Variants in SLC27A1 observed in about 807,000 individuals in gnomAD.
SLC27A1 encodes the protein solute carrier family 27 member 1.
Under a neutral mutation model 62.2 loss-of-function variants are expected in SLC27A1, and 61 were observed. That is an observed-to-expected ratio of 0.98 (90% CI 0.80 to 1.21). The LOEUF (loss-of-function observed/expected upper bound fraction) is 1.21, where lower values mean the gene tolerates loss of function less well. SLC27A1 is among the 50% of genes most tolerant of loss of function. SLC27A1 has a pLI of 0.00. For missense variants in SLC27A1, 903 were observed against 932.1 expected (o/e 0.97, Z 0.41); for synonymous variants, 435 against 408.6 (o/e 1.06, Z -0.78).
rs2075229834 is a variant in SLC27A1 at position 17,486,434 on chromosome 19, A to C, written c.168-129A>C. On this transcript the variant is annotated intron_variant, in intron 1 of 11. Coordinates refer to ENST00000252595, the MANE Select transcript of SLC27A1 (RefSeq NM_198580.3). This position sits in a 1 kb window ranked among gnomAD's most constrained non-coding sequence, Gnocchi z 6.6. The stretch of plus-strand genomic sequence containing the variant: ...TGGTCCACTGAGAGATCCAGCCACC[A>C]AAAGTTTCACCATAGACCTCATCAA... The C allele has an allele frequency of 8.7e-7, 1 of 1,154,368 alleles. No homozygotes were observed. Among genetic ancestry groups the C allele is most frequent in the Non-Finnish European group, 1.2e-6 (1 of 845,660 alleles). 71.5% of individuals were successfully genotyped at this position (1,154,368 alleles called of 1,614,324 possible).
rs773093919 is a variant in SLC27A1 at position 17,504,477 on chromosome 19, G to A, written c.1806G>A (p.Thr602=). ...DTTGTFKIQK[T]RLQREGFDPR... ...TAGGCACCTTCAAGATCCAGAAGAC[G>A]AGGCTGCAGCGAGAGGGCTTTGACC... Residue 602 remains threonine (T), a synonymous_variant, in exon 12 of 12, where the codon ACG becomes ACA. Coordinates refer to ENST00000252595, the MANE Select transcript of SLC27A1 (RefSeq NM_198580.3). The A allele has an allele frequency of 2.0e-5, 33 of 1,614,010 alleles. No homozygotes were observed. Among genetic ancestry groups the A allele is most frequent in the Non-Finnish European group, 2.5e-5 (29 of 1,180,032 alleles).
chr19:17,492,631 AAAAAG>A (rs2075305337), intron 6 of SLC27A1, among the ~76,000 whole-genome samples: 2 of 149,948 alleles, frequency 1.3e-5, no homozygotes, highest in African/African-American at 4.9e-5. Flanking sequence ...AAAAAAAAAA[AAAAAG>A]AAAAAGAAAT....
chr19:17,497,156 A>C, intron 6 of SLC27A1, 99 bp from the exon 7 acceptor site: 1 of 899,826 alleles, frequency 1.1e-6, no homozygotes, highest in Non-Finnish European at 1.7e-6. Flanking sequence ...CGCTCATAGG[A>C]TTAGCTCCCT....
Position 17,501,436 on chromosome 19 carries a change from C to T in SLC27A1, c.1783+17C>T, listed in dbSNP as rs1289722312. 2.5e-6 allele frequency: 4 copies of T among 1,607,586 alleles called. No homozygotes were observed. Among genetic ancestry groups the T allele is most frequent in the Non-Finnish European group, 3.4e-6 (4 of 1,176,928 alleles). ...ACACCACAGGTGCGAGTCTCCCCCA[C>T]TCCAATCTCTCTCTTCATCCATCAG... On this transcript the variant is annotated intron_variant, in intron 11 of 11. Transcript: ENST00000252595.
rs1221324202 is a variant in SLC27A1 at position 17,477,240 on chromosome 19, C to CTTTTTTTTTTTTTTTTTTT, written c.167+6539_167+6557dup. 1.1e-3 allele frequency among the ~76,000 whole-genome samples: 49 copies of CTTTTTTTTTTTTTTTTTTT among 43,808 alleles called. 12 individuals are homozygous for CTTTTTTTTTTTTTTTTTTT. The highest frequency in any genetic ancestry group is 1.4e-3 in the Non-Finnish European group (36 of 24,866). The allele number at this position is 43,808 out of a possible 152,430, so 28.7% of individuals were successfully genotyped here. A position where few individuals can be genotyped will look rare whatever the true frequency, so the allele number is the denominator to read the frequency against. ...TTATTGGTTGAATGGATGAGCAGCG[C>CTTTTTTTTTTTTTTTTTTT]TTTTTTTTTTTTTTTTTTTTTTTTG... On this transcript the variant is annotated intron_variant, in intron 1 of 11. Coordinates refer to ENST00000252595, the MANE Select transcript of SLC27A1 (RefSeq NM_198580.3).
At chr19:17,474,699 C>T (rs1301335629) in intron 1 of SLC27A1, among the ~76,000 whole-genome samples, 5 of 149,624 alleles carry the variant, frequency 3.3e-5, no homozygotes, top group Admixed American at 1.4e-4. Context: ...GGCGCGATCT[C>T]GGCTCACCGC....
chr19:17,500,298 C>T lies in SLC27A1; in HGVS notation c.1227C>T (p.Asn409=). Residue 409 remains asparagine, a synonymous_variant, in exon 8 of 12, where the codon AAC becomes AAT. Coordinates refer to ENST00000252595, the MANE Select transcript of SLC27A1 (RefSeq NM_198580.3). The part of the protein sequence containing the change: ...MDGKVGSCGF[N]SRILPHVYPI... Reference sequence around the variant, plus strand: ...TCCAGGTCGGCTCCTGTGGTTTCAACAGCCGCATCCTGCCCCACGTGTACC... The same window carrying T: ...TCCAGGTCGGCTCCTGTGGTTTCAATAGCCGCATCCTGCCCCACGTGTACC... 1 of 1,614,158 alleles carries T rather than the reference C, an allele frequency of 6.2e-7. No individual in the cohort carries two copies. Among genetic ancestry groups the T allele is most frequent in the Non-Finnish European group, 8.5e-7 (1 of 1,179,994 alleles).
At chr19:17,492,565 G>A (rs1267193509) in intron 6 of SLC27A1, among the ~76,000 whole-genome samples, 4 of 139,104 alleles carry the variant, frequency 2.9e-5, no homozygotes, top group Non-Finnish European at 6.1e-5. Context: ...GCAGTGAGCC[G>A]AGATCGCACC....
chr19:17,481,404 C>T (rs1027726553), intron 1 of SLC27A1, among the ~76,000 whole-genome samples: 1 of 150,826 alleles, frequency 6.6e-6, no homozygotes, highest in Admixed American at 6.6e-5. Context: ...GCAACCTCTG[C>T]CTCCTGGGTC....
chr19:17,488,718 T>A (rs2075262927), intron 4 of SLC27A1, 130 bp from the exon 5 acceptor site: 1 of 733,596 alleles, frequency 1.4e-6, no homozygotes, highest in African/African-American at 1.7e-5. Context: ...GTTTCCTTCC[T>A]GCCAGCCTGT....
At chr19:17,469,619 G>C (rs1472125930), upstream of SLC27A1, among the ~76,000 whole-genome samples, 1 of 152,132 alleles carries the variant, frequency 6.6e-6, no homozygotes, top group African/African-American at 2.4e-5. Context: ...CGCCTCTCCG[G>C]TCCGGTTGCC....
chr19:17,486,860 C>A lies in SLC27A1; in HGVS notation c.465C>A (p.Ala155=), dbSNP rs1196438636. 1 of 1,585,620 alleles carries A rather than the reference C, an allele frequency of 6.3e-7. No individual in the cohort carries two copies. The highest frequency in any genetic ancestry group is 8.5e-7 in the Non-Finnish European group (1 of 1,172,612). The stretch of plus-strand genomic sequence containing the variant: ...GCCTGGCCAAGGCGGGCATGGAGGC[C>A]GCGCTGCTCAACGTGAACCTGCGGC... ...WLGLAKAGME[A]ALLNVNLRRE... is the part of the protein sequence containing the mutation. Residue 155 remains alanine, a synonymous_variant, in exon 2 of 12, where the codon GCC becomes GCA. Coordinates refer to ENST00000252595, the MANE Select transcript of SLC27A1 (RefSeq NM_198580.3). The surrounding 1 kb of genome is among the most constrained non-coding windows in gnomAD (Gnocchi z 6.6).
At chr19:17,487,881 A>C (rs968567378) in intron 4 of SLC27A1, among the ~76,000 whole-genome samples, 2 of 148,330 alleles carry the variant, frequency 1.3e-5, no homozygotes, top group African/African-American at 2.5e-5. Flanking sequence ...CCATCTGTCT[A>C]CTTTTTTCCA....
chr19:17,486,928 C>T lies in SLC27A1; in HGVS notation c.533C>T (p.Ala178Val), dbSNP rs1418203322. The T allele has an allele frequency of 6.3e-7, 1 of 1,587,536 alleles. No individual in the cohort carries two copies. The change falls in exon 2 of 12, where the codon GCC becomes GTC. Residue 178 changes from alanine to valine, a missense_variant. Transcript: ENST00000252595. This position sits in a 1 kb window ranked among gnomAD's most constrained non-coding sequence, Gnocchi z 6.6. ...AFCLGTSGAK[A>V]LIFGGEMVAA... ...TGCCTGGGCACCTCGGGCGCTAAGG[C>T]CCTGATCTTTGGAGGAGAAATGGTG...
intron 7 of SLC27A1, chr19:17,497,960 T>A (rs1318934777): frequency 1.1e-5 from 2 of 183,246 alleles, no homozygotes; most frequent in African/African-American, 4.8e-5. Context: ...GATACCTTCA[T>A]AATTAGCAAC....
chr19:17,489,178 C>A, intron 6 of SLC27A1, 61 bp downstream of exon 6: 1 of 1,404,192 alleles, frequency 7.1e-7, no homozygotes, highest in Non-Finnish European at 9.9e-7. Flanking sequence ...CACCCCCTCC[C>A]AATCAGGCCC....
chr19:17,477,655 C>G (rs34761413), intron 1 of SLC27A1, among the ~76,000 whole-genome samples: 46,722 of 151,116 alleles, frequency 0.31, 8,132 homozygotes, highest in Non-Finnish European at 0.4. Context: ...TGAGTTCAAG[C>G]AAGTCTCTTG....
intron 1 of SLC27A1, among the ~76,000 whole-genome samples, chr19:17,474,633 T>C (rs886107228): frequency 3.7e-5 from 5 of 135,964 alleles, no homozygotes; most frequent in African/African-American, 1.1e-4. Flanking sequence ...CTTTCTTTTT[T>C]TTTTTTTTTT....
At chr19:17,497,487 G>C (rs893726024) in intron 7 of SLC27A1, 23 bp downstream of exon 7, 1 of 1,585,104 alleles carries the variant, frequency 6.3e-7, no homozygotes, top group African/African-American at 1.3e-5. Context: ...AGGGCCCCGG[G>C]GCAGGTCTCG....
Sources: gnomAD v4.1 joint callset for allele counts (sites outside exome capture counted in the v4.1 genomes callset) on GRCh38, gnomAD v4.1.1 for gene constraint, Gnocchi (gnomAD v3.1) non-coding constraint, MANE v1.5 for transcripts, NCBI Gene and HGNC (gene_info 2026-07-23, HGNC 2026-07-21) for gene names.